Variants in TOX3 observed in about 807,000 individuals in gnomAD.
TOX3 encodes the protein TOX high mobility group box family member 3, also known as CAG trinucleotide repeat-containing gene F9 protein.
Under a neutral mutation model 64.3 loss-of-function variants are expected in TOX3, and 22 were observed. The ratio of observed to expected loss-of-function variants is 0.34; its 90% CI spans 0.24 to 0.49. The LOEUF is 0.49. Ranked by LOEUF, TOX3 falls within the 20% of genes least tolerant of loss-of-function variation. TOX3 has a pLI of 0.99. For synonymous variants in TOX3, 291 were observed against 273.6 expected, an observed-to-expected ratio of 1.06 and a Z score of -0.63; for missense variants, 661 against 714.4, an observed-to-expected ratio of 0.93 and a Z score of 0.85.
intron 1 of TOX3, among the ~76,000 whole-genome samples, chr16:52,532,623 C>G (rs913123234): frequency 6.6e-6 from 1 of 152,206 alleles, no homozygotes; most frequent in Non-Finnish European, 1.5e-5. Flanking sequence ...TTTGAAGTCA[C>G]AAAGTTTAGA....
intron 1 of TOX3, among the ~76,000 whole-genome samples, chr16:52,493,228 T>C (rs1961745179): frequency 6.6e-6 from 1 of 152,138 alleles, no homozygotes; most frequent in African/African-American, 2.4e-5. Context: ...GAAAGACATG[T>C]AAGGTAACAC....
chr16:52,450,152 C>T (rs1960290055), intron 4 of TOX3, 125 bp downstream of exon 4: 1 of 1,136,024 alleles, frequency 8.8e-7, no homozygotes, highest in Non-Finnish European at 1.2e-6. Context: ...AACAAACCAT[C>T]ATACATTTAA....
At chr16:52,509,360 A>T (rs1433635511) in intron 1 of TOX3, among the ~76,000 whole-genome samples, 17 of 152,220 alleles carry the variant, frequency 1.1e-4, no homozygotes, top group African/African-American at 4.1e-4. Flanking sequence ...TTAACCTCTG[A>T]CAATTATGCA....
At chr16:52,486,486 T>C (rs544536264) in intron 1 of TOX3, among the ~76,000 whole-genome samples, 68 of 152,242 alleles carry the variant, frequency 4.5e-4, no homozygotes, top group African/African-American at 1.6e-3. Flanking sequence ...CCAGCTGCCC[T>C]CCAGGAGTTG....
At chr16:52,508,671 T>C (rs933214827) in intron 1 of TOX3, among the ~76,000 whole-genome samples, 2 of 152,072 alleles carry the variant, frequency 1.3e-5, no homozygotes, top group African/African-American at 4.8e-5. Flanking sequence ...ATAATAAATG[T>C]AAAATTCAGG....
chr16:52,485,244 G>GTATATATATA lies in TOX3; in HGVS notation c.88-16671_88-16670insTATATATATA, dbSNP rs761645024. 1.5e-3 allele frequency among the ~76,000 whole-genome samples: 147 copies of GTATATATATA among 95,296 alleles called. 1 individual carries two copies. The highest frequency in any genetic ancestry group is 7.8e-3 in the African/African-American group (143 of 18,324). 62.5% of individuals were successfully genotyped at this position (95,296 alleles called of 152,430 possible). ...TACATGTGTGTGTGTGTATGTGTGT[G>GTATATATATA]TGTATATATATATATATATATATAT... On this transcript the variant is annotated intron_variant, in intron 1 of 6. Coordinates refer to ENST00000219746, the MANE Select transcript of TOX3 (RefSeq NM_001080430.4).
intron 6 of TOX3, among the ~76,000 whole-genome samples, chr16:52,442,806 A>C (rs1960040603): frequency 6.6e-6 from 1 of 152,104 alleles, no homozygotes; most frequent in Non-Finnish European, 1.5e-5. Context: ...AAACAAACCA[A>C]ACCCTAGTAT....
Position 52,460,788 on chromosome 16 carries a change from T to G in TOX3, c.408+3146A>C, listed in dbSNP as rs184874924. ...ATAGAGATAAATCGTTCATCTGCTC[T>G]CTCTCAAGCCTCTAGGGCTGCAGAT... On this transcript the variant is annotated intron_variant, in intron 3 of 6. Transcript: ENST00000219746. 4.2e-4 allele frequency among the ~76,000 whole-genome samples: 64 copies of G among 152,314 alleles called. 1 individual carries two copies. The highest frequency in any genetic ancestry group is 8.5e-4 in the Non-Finnish European group (58 of 67,998).
intron 1 of TOX3, among the ~76,000 whole-genome samples, chr16:52,515,827 C>T (rs1417448333): frequency 1.3e-5 from 2 of 152,218 alleles, no homozygotes; most frequent in Non-Finnish European, 2.9e-5. Context: ...ATTTTCTCCA[C>T]TATTTGCACT....
At chr16:52,449,455 T>A (rs1480576341) in intron 4 of TOX3, among the ~76,000 whole-genome samples, 1 of 152,134 alleles carries the variant, frequency 6.6e-6, no homozygotes, top group African/African-American at 2.4e-5. Context: ...CTCAGTAAAG[T>A]CTTCCTCAAA....
chr16:52,438,361 T>C lies in TOX3; in HGVS notation c.*864A>G, dbSNP rs1039989330. The C allele has an allele frequency of 1.3e-5, 2 of 152,712 alleles. No individual in the cohort carries two copies. The highest frequency in any genetic ancestry group is 2.9e-5 in the Non-Finnish European group (2 of 68,068). 9.5% of individuals were successfully genotyped at this position (152,712 alleles called of 1,614,324 possible). A position where few individuals can be genotyped will look rare whatever the true frequency, so the allele number is the denominator to read the frequency against. On this transcript the variant is annotated 3_prime_UTR_variant, in exon 7 of 7. Transcript: ENST00000219746. ...GTGTGCCTTTTAAATATTCTACTGG[T>C]ATTACATCATAATAAAAACTCTTGC...
intron 2 of TOX3, among the ~76,000 whole-genome samples, chr16:52,467,878 G>A (rs1377642203): frequency 6.6e-6 from 1 of 152,134 alleles, no homozygotes; most frequent in Non-Finnish European, 1.5e-5. Context: ...GCTGCATTTT[G>A]ATTCCATCAC....
rs112113767 is a variant in TOX3, at chr16:52,486,028, G to A, written c.88-17454C>T. Reference sequence around the variant, plus strand: ...CGGGTGCATTTTAAACATTGTTGGGGTTGAGGTGCCAAGAGATGTCTGTCA... The same window carrying A: ...CGGGTGCATTTTAAACATTGTTGGGATTGAGGTGCCAAGAGATGTCTGTCA... On this transcript the variant is annotated intron_variant, in intron 1 of 6. Transcript: ENST00000219746. 2.1e-3 allele frequency among the ~76,000 whole-genome samples: 317 copies of A among 152,292 alleles called. 1 individual carries two copies. The highest frequency in any genetic ancestry group is 7.1e-3 in the African/African-American group (295 of 41,554).
chr16:52,440,748 C>CTTTTT (rs1425662404), intron 6 of TOX3, among the ~76,000 whole-genome samples: 18 of 89,448 alleles, frequency 2.0e-4, no homozygotes, highest in South Asian at 4.8e-4. Flanking sequence ...ATTTTTCTTT[C>CTTTTT]TTTCTTTTTT....
intron 3 of TOX3, among the ~76,000 whole-genome samples, chr16:52,459,970 A>ATT (rs1398240366): frequency 6.6e-6 from 1 of 152,112 alleles, no homozygotes; most frequent in African/African-American, 2.4e-5. Context: ...ATAAATTGCC[A>ATT]TTTTTCTATC....
At chr16:52,527,475 G>A (rs139180087) in intron 1 of TOX3, among the ~76,000 whole-genome samples, 14 of 152,292 alleles carry the variant, frequency 9.2e-5, no homozygotes, top group African/African-American at 2.6e-4. Context: ...AATGAACAAA[G>A]ATCTTCTCTT....
Position 52,457,794 on chromosome 16 carries a change from C to T in TOX3, c.408+6140G>A, listed in dbSNP as rs142147008. 3.1e-3 allele frequency among the ~76,000 whole-genome samples: 465 copies of T among 152,248 alleles called. 3 individuals carry two copies. Among genetic ancestry groups the T allele is most frequent in the African/African-American group, 0.011 (440 of 41,532 alleles). The stretch of plus-strand genomic sequence containing the variant: ...AATGCATACCAATGATAATTACAGA[C>T]CTGCATACCACCACCTTTATACTCA... On this transcript the variant is annotated intron_variant, in intron 3 of 6. Transcript: ENST00000219746.
chr16:52,442,657 A>G (rs1436540108), intron 6 of TOX3, among the ~76,000 whole-genome samples: 2 of 152,190 alleles, frequency 1.3e-5, no homozygotes, highest in East Asian at 1.9e-4. Context: ...TGCGATCACT[A>G]TATTAGCAGC....
intron 6 of TOX3, among the ~76,000 whole-genome samples, chr16:52,440,477 C>T (rs1193526795): frequency 6.6e-6 from 1 of 152,200 alleles, no homozygotes; most frequent in East Asian, 1.9e-4. Flanking sequence ...TCTTACATCA[C>T]ATCATTGAGC....
Sources: allele counts gnomAD v4.1 joint callset (sites outside exome capture counted in the v4.1 genomes callset), GRCh38; gene constraint gnomAD v4.1.1; transcripts MANE v1.5; gene names NCBI Gene and HGNC (gene_info 2026-07-23, HGNC 2026-07-21).